The following EPB41L1 variants were observed in gnomAD, a reference collection of about 807,000 sequenced individuals.
EPB41L1 encodes erythrocyte membrane protein band 4.1 like 1.
Under a neutral mutation model 97.8 loss-of-function variants are expected in EPB41L1, and 29 were observed. That is an observed-to-expected ratio of 0.30 (90% CI 0.22 to 0.40). The LOEUF (loss-of-function observed/expected upper bound fraction) is 0.40, where lower values mean the gene tolerates loss of function less well. EPB41L1 is among the 10% of genes least tolerant of loss of function. The pLI is 1.00. For synonymous variants in EPB41L1, 383 were observed against 459.2 expected (o/e 0.83, Z 2.12); for missense variants, 812 against 1,162.3 (o/e 0.70, Z 4.38).
chr20:36,121,843 T>TTATTATTAATG (rs1444150409), intron 2 of EPB41L1: 2 of 152,414 alleles, frequency 1.3e-5, no homozygotes, highest in Non-Finnish European at 2.9e-5. Flanking sequence ...ATTATTTCCT[T>TTATTATTAATG]TGGGCAGGAA....
chr20:36,206,168 G>A lies in EPB41L1; in HGVS notation c.1669-3320G>A, dbSNP rs780117446. On this transcript the variant is annotated intron_variant, in intron 14 of 21. Transcript: ENST00000338074. This position sits in a 1 kb window ranked among gnomAD's most constrained non-coding sequence, Gnocchi z 5.5. ...GGAGGGGCTGCCCTGGCTTCCGGCC[G>A]CACATTGGCAGAAAAGCTCCTCGAG... 4.3e-5 allele frequency: 56 copies of A among 1,289,738 alleles called. No homozygotes were observed. Among genetic ancestry groups the A allele is most frequent in the Middle Eastern group, 4.2e-4 (2 of 4,718 alleles). The allele number at this position is 1,289,738 out of a possible 1,614,324, so 79.9% of individuals were successfully genotyped here.
chr20:36,141,905 C>T (rs578034925), intron 2 of EPB41L1, among the ~76,000 whole-genome samples: 22 of 152,110 alleles, frequency 1.4e-4, no homozygotes, highest in Middle Eastern at 6.8e-3. Flanking sequence ...GTCAGGAGTT[C>T]GAGACCAGCC....
chr20:36,195,371 C>T lies in EPB41L1; in HGVS notation c.1485+7C>T. ...GCCGAGACACAAGCAGGAGGTACTG[C>T]ATGGGACCTGTCCCTCCCTACCCAG... is the stretch of plus-strand genomic sequence containing the variant. On this transcript the variant is annotated splice_region_variant and intron_variant, in intron 13 of 21. Transcript: ENST00000338074. This position sits in a 1 kb window ranked among gnomAD's most constrained non-coding sequence, Gnocchi z 4.6. 6.2e-7 allele frequency: 1 copy of T among 1,614,058 alleles called. No individual in the cohort carries two copies. The highest frequency in any genetic ancestry group is 8.5e-7 in the Non-Finnish European group (1 of 1,179,988).
intron 18 of EPB41L1, 109 bp downstream of exon 18, chr20:36,219,071 C>G (rs1382678124): frequency 4.2e-6 from 5 of 1,194,632 alleles, no homozygotes; most frequent in Non-Finnish European, 6.1e-6. Context: ...AGGCACCCTT[C>G]TAGGTGCAAA....
chr20:36,143,077 G>A (rs770077109), intron 2 of EPB41L1, among the ~76,000 whole-genome samples: 4 of 152,062 alleles, frequency 2.6e-5, no homozygotes, highest in African/African-American at 4.8e-5. Flanking sequence ...CCGAGTGACC[G>A]CACCGCCAGG....
chr20:36,188,282 T>G, intron 8 of EPB41L1, 65 bp from the exon 9 acceptor site: 1 of 1,607,958 alleles, frequency 6.2e-7, no homozygotes, highest in Admixed American at 1.7e-5. Flanking sequence ...GTTTTCGGGG[T>G]GGGTGGTAGG....
At chr20:36,228,505 G>A (rs2064314851) in intron 21 of EPB41L1, among the ~76,000 whole-genome samples, 1 of 152,226 alleles carries the variant, frequency 6.6e-6, no homozygotes, top group Non-Finnish European at 1.5e-5. Context: ...ATTCAAGGCT[G>A]TAATGTGCAT....
chr20:36,218,040 A>G (rs2063546443), intron 17 of EPB41L1, among the ~76,000 whole-genome samples: 1 of 152,178 alleles, frequency 6.6e-6, no homozygotes, highest in Non-Finnish European at 1.5e-5. Flanking sequence ...GTCAGGGGAC[A>G]ATTCCAGGAA....
rs2063003859 is a variant in EPB41L1, at chr20:36,209,411, C to T, written c.1669-77C>T. The T allele has an allele frequency of 6.6e-7, 1 of 1,507,122 alleles. No individual in the cohort carries two copies. Among genetic ancestry groups the T allele is most frequent in the South Asian group, 1.3e-5 (1 of 79,446 alleles). The allele number at this position is 1,507,122 out of a possible 1,614,324, so 93.4% of individuals were successfully genotyped here. Reference sequence around the variant, plus strand: ...GACACAGCCCCGAGATTTCTCCTGACATTCACCATCTTGATTTCTCTTTCT... The same window carrying T: ...GACACAGCCCCGAGATTTCTCCTGATATTCACCATCTTGATTTCTCTTTCT... On this transcript the variant is annotated intron_variant, in intron 14 of 21. Coordinates refer to ENST00000338074, the MANE Select transcript of EPB41L1 (RefSeq NM_012156.2). The surrounding 1 kb of genome is among the most constrained non-coding windows in gnomAD (Gnocchi z 4.2).
chr20:36,152,910 C>T (rs1292771121), upstream of EPB41L1: 15 of 453,654 alleles, frequency 3.3e-5, no homozygotes, highest in South Asian at 6.2e-5. Flanking sequence ...GCAGGACACT[C>T]GTCCTTCTGT....
chr20:36,150,194 T>C (rs762584425), upstream of EPB41L1, among the ~76,000 whole-genome samples: 18 of 152,050 alleles, frequency 1.2e-4, no homozygotes, highest in Non-Finnish European at 1.9e-4. Flanking sequence ...CCTCAGCCTC[T>C]GGAGTAGCTG....
intron 1 of EPB41L1, among the ~76,000 whole-genome samples, chr20:36,170,192 A>G (rs1437609319): frequency 6.6e-6 from 1 of 152,134 alleles, no homozygotes; most frequent in East Asian, 1.9e-4. Context: ...TAAAAGGTTT[A>G]AACAGATTTT....
rs112353604 is a variant in EPB41L1, at chr20:36,221,634, C to T, written c.2440-230C>T. ...TCTGAGAGGCAGCATTGGAGCTAGG[C>T]TTGGAAGACCTAGATGGGATAGTTT... On this transcript the variant is annotated intron_variant, in intron 19 of 21. Transcript: ENST00000338074. 2.2e-3 allele frequency among the ~76,000 whole-genome samples: 333 copies of T among 152,252 alleles called. 2 individuals are homozygous for T. The highest frequency in any genetic ancestry group is 7.1e-3 in the African/African-American group (293 of 41,540).
chr20:36,093,784 G>T lies in EPB41L1; in HGVS notation c.-65+2172G>T, dbSNP rs561691051. 1.9e-4 allele frequency among the ~76,000 whole-genome samples: 29 copies of T among 152,228 alleles called. No individual in the cohort carries two copies. In the East Asian group the frequency reaches 5.6e-3, roughly 29 times the overall value. On this transcript the variant is annotated intron_variant, in intron 1 of 19. Transcript: ENST00000202028. The surrounding 1 kb of genome is among the most constrained non-coding windows in gnomAD (Gnocchi z 5.4). ...TGGTAGCAACAGCAGTTTCCAGGCTGGTGACCAGCCGGTTCAGGGATTCAT... is the reference window on the plus strand; with the variant it reads ...TGGTAGCAACAGCAGTTTCCAGGCTTGTGACCAGCCGGTTCAGGGATTCAT...
At chr20:36,196,314 C>G (rs1222102444) in intron 13 of EPB41L1, among the ~76,000 whole-genome samples, 1 of 152,208 alleles carries the variant, frequency 6.6e-6, no homozygotes, top group Non-Finnish European at 1.5e-5. Flanking sequence ...TTAGGGATCC[C>G]AGGACCCCAG....
intron 1 of EPB41L1, among the ~76,000 whole-genome samples, chr20:36,166,726 G>A (rs1416072248): frequency 6.6e-6 from 1 of 152,278 alleles, no homozygotes; most frequent in Non-Finnish European, 1.5e-5. Context: ...TTAGCTGGGC[G>A]TGGCTGTGTG....
intron 6 of EPB41L1, among the ~76,000 whole-genome samples, chr20:36,184,402 C>G (rs926698793): frequency 1.3e-5 from 2 of 152,038 alleles, no homozygotes; most frequent in Non-Finnish European, 2.9e-5. Flanking sequence ...GTAAAATCGT[C>G]CAACTGTGCA....
At position 36,190,160 on chromosome 20, in the gene EPB41L1, A is replaced by T; in HGVS notation, c.1027-117A>T. The T allele has an allele frequency of 4.8e-6, 4 of 837,348 alleles. No individual in the cohort carries two copies. The South Asian group carries it at 5.9e-5, about 12-fold the overall frequency. 51.9% of individuals were successfully genotyped at this position (837,348 alleles called of 1,614,324 possible). A position where few individuals can be genotyped will look rare whatever the true frequency, so the allele number is the denominator to read the frequency against. ...CACTGTACTCCACCCTGGGCAAATG[A>T]TCGAGACCCTGTGTCTCAAAAAAAC... On this transcript the variant is annotated intron_variant, in intron 9 of 21. Coordinates refer to ENST00000338074, the MANE Select transcript of EPB41L1 (RefSeq NM_012156.2). This position sits in a 1 kb window ranked among gnomAD's most constrained non-coding sequence, Gnocchi z 5.8.
At chr20:36,194,139 G>A (rs1341446199) in intron 11 of EPB41L1, 73 bp from the exon 12 acceptor site, 3 of 1,603,672 alleles carry the variant, frequency 1.9e-6, no homozygotes, top group African/African-American at 1.3e-5. Flanking sequence ...GGTTGGGCAG[G>A]GCTGGGCTGG....
Sources: gnomAD v4.1 joint callset for allele counts (sites outside exome capture counted in the v4.1 genomes callset) on GRCh38, gnomAD v4.1.1 for gene constraint, Gnocchi (gnomAD v3.1) non-coding constraint, MANE v1.5 for transcripts, NCBI Gene and HGNC (gene_info 2026-07-23, HGNC 2026-07-21) for gene names.